Variants in DSCAM observed in about 807,000 individuals in gnomAD.
DSCAM encodes the protein cell adhesion molecule DSCAM.
Under a neutral mutation model 217.7 loss-of-function variants are expected in DSCAM, and 47 were observed. That is an observed-to-expected ratio of 0.22 (90% CI 0.17 to 0.28). The LOEUF is 0.28. DSCAM is among the 10% of genes least tolerant of loss of function. The pLI is 1.00. For missense variants in DSCAM, 2,080 were observed against 2,618.3 expected (o/e 0.79, Z 4.49); for synonymous variants, 1,056 against 1,015.3 (o/e 1.04, Z -0.76).
At chr21:40,653,431 ATGT>A (rs2090038527) in intron 3 of DSCAM, among the ~76,000 whole-genome samples, 1 of 152,126 alleles carries the variant, frequency 6.6e-6, no homozygotes, top group African/African-American at 2.4e-5. Flanking sequence ...AAGGCCATAG[ATGT>A]TGTTGAAAGA....
At chr21:40,340,890 C>T (rs1446967125) in intron 6 of DSCAM, among the ~76,000 whole-genome samples, 3 of 152,098 alleles carry the variant, frequency 2.0e-5, no homozygotes, top group African/African-American at 7.2e-5. Flanking sequence ...CACTCATTCC[C>T]CCAGAACCTT....
At position 40,670,034 on chromosome 21, in the gene DSCAM, T is replaced by C. The variant is rs76471500; in HGVS notation, c.508+22776A>G. Among the ~76,000 whole-genome samples, 1,317 of 152,182 alleles carry C rather than the reference T, an allele frequency of 8.7e-3. 14 individuals are homozygous for C. Among genetic ancestry groups the C allele is most frequent in the African/African-American group, 0.03 (1,259 of 41,512 alleles). Reference sequence around the variant, plus strand: ...ATAATTATGATTATGATTTTGGAAGTTGTTTATAAAATACAATGTCACAAT... The same window carrying C: ...ATAATTATGATTATGATTTTGGAAGCTGTTTATAAAATACAATGTCACAAT... On this transcript the variant is annotated intron_variant, in intron 3 of 32. Transcript: ENST00000400454.
chr21:40,586,878 C>T (rs2076950732), intron 3 of DSCAM, among the ~76,000 whole-genome samples: 1 of 152,128 alleles, frequency 6.6e-6, no homozygotes, highest in Non-Finnish European at 1.5e-5. Context: ...CAGAAGAAGG[C>T]TGGACTCTAA....
intron 10 of DSCAM, among the ~76,000 whole-genome samples, chr21:40,282,476 A>C (rs1045016664): frequency 4.0e-5 from 6 of 151,296 alleles, no homozygotes; most frequent in African/African-American, 1.5e-4. Context: ...CTGTAGTCCC[A>C]GCTACTAGGG....
chr21:40,735,368 T>A (rs531707218), intron 1 of DSCAM, among the ~76,000 whole-genome samples: 20 of 152,352 alleles, frequency 1.3e-4, no homozygotes, highest in African/African-American at 4.6e-4. Context: ...ATTAAGGAAC[T>A]GTTACAAACT....
At chr21:40,052,194 G>T in intron 29 of DSCAM, 87 bp from the exon 30 acceptor site, 2 of 1,453,598 alleles carry the variant, frequency 1.4e-6, no homozygotes, top group Non-Finnish European at 1.9e-6. Flanking sequence ...AGGCACTTGT[G>T]TTATTGTTAA....
intron 3 of DSCAM, among the ~76,000 whole-genome samples, chr21:40,579,415 T>A (rs184059788): frequency 6.6e-6 from 1 of 151,906 alleles, no homozygotes. Context: ...TTAGGAGATA[T>A]AGAGAAAAGA....
intron 3 of DSCAM, among the ~76,000 whole-genome samples, chr21:40,532,027 C>G (rs1175397899): frequency 6.6e-6 from 1 of 152,190 alleles, no homozygotes; most frequent in African/African-American, 2.4e-5. Flanking sequence ...GAGCTGCAAT[C>G]TGTTCAAAGT....
At chr21:40,311,975 G>A in intron 9 of DSCAM, 106 bp downstream of exon 9, 2 of 206,950 alleles carry the variant, frequency 9.7e-6, no homozygotes, top group Non-Finnish European at 1.9e-5. Context: ...AGATAAAACT[G>A]AATTTCTAAG....
intron 4 of DSCAM, among the ~76,000 whole-genome samples, chr21:40,361,346 T>C (rs1601586134): frequency 1.3e-5 from 2 of 152,008 alleles, no homozygotes; most frequent in South Asian, 4.2e-4. Context: ...ATAGGCTGGG[T>C]GCAGCGGCTC....
chr21:40,248,312 T>G (rs1184330662), intron 11 of DSCAM, among the ~76,000 whole-genome samples: 1 of 152,234 alleles, frequency 6.6e-6, no homozygotes, highest in African/African-American at 2.4e-5. Context: ...ATTGTCAGGC[T>G]GCAAATTTTC....
chr21:40,115,020 T>C (rs2089950808), intron 20 of DSCAM, among the ~76,000 whole-genome samples: 1 of 152,156 alleles, frequency 6.6e-6, no homozygotes. Flanking sequence ...TCCTTGGGGA[T>C]CTAGAACTAG....
intron 3 of DSCAM, among the ~76,000 whole-genome samples, chr21:40,663,544 C>A (rs901742342): frequency 1.3e-5 from 2 of 152,134 alleles, no homozygotes; most frequent in Non-Finnish European, 2.9e-5. Context: ...AGGAGCCATC[C>A]CTCATGGGCA....
chr21:40,394,675 T>C (rs1017315608), intron 3 of DSCAM, among the ~76,000 whole-genome samples: 35 of 152,294 alleles, frequency 2.3e-4, no homozygotes, highest in South Asian at 4.1e-4. Flanking sequence ...AAATTCTTCC[T>C]AGCAGGGCCA....
chr21:40,171,921 T>C (rs1189356169), intron 15 of DSCAM, among the ~76,000 whole-genome samples: 1 of 152,220 alleles, frequency 6.6e-6, no homozygotes, highest in East Asian at 1.9e-4. Context: ...GGTATATCCA[T>C]TTATTTAACT....
intron 27 of DSCAM, among the ~76,000 whole-genome samples, chr21:40,067,686 T>A (rs966392057): frequency 6.6e-6 from 1 of 150,682 alleles, no homozygotes; most frequent in African/African-American, 2.5e-5. Flanking sequence ...TTCATAAGCA[T>A]CCTGAGTTTC....
chr21:40,720,968 T>C (rs2090894878), intron 1 of DSCAM, among the ~76,000 whole-genome samples: 1 of 152,190 alleles, frequency 6.6e-6, no homozygotes, highest in Admixed American at 6.5e-5. Flanking sequence ...ACTACCAAGG[T>C]TGGATTAGGA....
At chr21:40,548,158 T>C (rs142382724) in intron 3 of DSCAM, among the ~76,000 whole-genome samples, 1 of 152,290 alleles carries the variant, frequency 6.6e-6, no homozygotes, top group Admixed American at 6.5e-5. Flanking sequence ...ATTTGGCTTT[T>C]ATAGAAAAAA....
intron 20 of DSCAM, among the ~76,000 whole-genome samples, chr21:40,097,080 G>A (rs534699284): frequency 1.3e-5 from 2 of 151,898 alleles, no homozygotes; most frequent in South Asian, 4.2e-4. Flanking sequence ...GATAGACAGA[G>A]ACATAAATGT....
Sources: gnomAD v4.1 joint callset for allele counts (sites outside exome capture counted in the v4.1 genomes callset) on GRCh38, gnomAD v4.1.1 for gene constraint, MANE v1.5 for transcripts, NCBI Gene and HGNC (gene_info 2026-07-23, HGNC 2026-07-21) for gene names.